The following VEPH1 variants were observed in gnomAD, a reference collection of about 807,000 sequenced individuals.
The protein encoded by VEPH1 is ventricular zone-expressed PH domain-containing protein homolog 1.
VEPH1 carries 80 observed loss-of-function variants against 85.2 expected under a neutral mutation model. The ratio of observed to expected loss-of-function variants is 0.94; its 90% CI spans 0.78 to 1.13. The LOEUF is 1.13. Among genes scored for constraint, VEPH1 ranks in the 50% most tolerant of loss-of-function variants. The probability of loss-of-function intolerance (pLI) is 0.00; values close to 1 mark genes in which losing one functional copy is unlikely to be tolerated. For missense variants in VEPH1, 955 were observed against 980.5 expected, an observed-to-expected ratio of 0.97 and a Z score of 0.35; for synonymous variants, 297 against 348.0, an observed-to-expected ratio of 0.85 and a Z score of 1.63.
chr3:157,337,655 C>A (rs969297435), intron 9 of VEPH1, among the ~76,000 whole-genome samples: 3 of 152,020 alleles, frequency 2.0e-5, no homozygotes, highest in Admixed American at 1.3e-4. Flanking sequence ...CTTTTATAAT[C>A]GGGGAAAAAT....
intron 5 of VEPH1, among the ~76,000 whole-genome samples, chr3:157,425,606 C>G (rs146739185): frequency 1.3e-5 from 2 of 152,316 alleles, no homozygotes; most frequent in Non-Finnish European, 2.9e-5. Flanking sequence ...CCATTTGGAA[C>G]AGCTGTATTT....
chr3:157,357,233 C>A (rs748475011), intron 9 of VEPH1, among the ~76,000 whole-genome samples: 54 of 152,060 alleles, frequency 3.6e-4, no homozygotes, highest in Non-Finnish European at 6.9e-4. Context: ...CCCTTTAAAT[C>A]TATTAGAGAC....
In VEPH1 at chr3:157,460,209, C is replaced by T. The variant is rs6794570; in HGVS notation, c.501G>A (p.Thr167=). The T allele has an allele frequency of 1.5e-4, 239 of 1,614,122 alleles. No homozygotes were observed. In the African/African-American group the frequency reaches 2.8e-3, roughly 19 times the overall value. The part of the protein sequence containing the change: ...ITKADLLADH[T]EVIVKSILQG... ...GGAGTATGCTCTTTACTATAACTTC[C>T]GTGTGATCAGCCAGGAGATCTGCCT... The change falls in exon 4 of 14, where the codon ACG becomes ACA. Residue 167 remains threonine, a synonymous_variant. Transcript: ENST00000362010.
intron 5 of VEPH1, among the ~76,000 whole-genome samples, chr3:157,425,183 T>C (rs1732662661): frequency 6.6e-6 from 1 of 152,170 alleles, no homozygotes; most frequent in Non-Finnish European, 1.5e-5. Flanking sequence ...ACAACTTCCA[T>C]GTGGTGTTGA....
rs373769969 is a variant in VEPH1 at position 157,363,621 on chromosome 3, G to A, written c.1478C>T (p.Pro493Leu). The change falls in exon 9 of 14, where the codon CCG becomes CTG. Residue 493 changes from proline (P) to leucine (L), a missense_variant. By Grantham distance (98) the Pro-to-Leu change is moderately conservative. Transcript: ENST00000362010. ...TGATCTCTCAGTGTCTGTCTTAAAC[G>A]GCAGCTTGTCATTTCCTTGGCCAAG... Reference protein sequence around the residue: ...DPLGQGNDKLPFKTDTERSQL... With the variant: ...DPLGQGNDKLLFKTDTERSQL... The A allele has an allele frequency of 2.0e-5, 33 of 1,613,950 alleles. No homozygotes were observed. The African/African-American group carries it at 2.8e-4, about 14-fold the overall frequency.
At chr3:157,497,837 C>T (rs1426303817) in intron 1 of VEPH1, among the ~76,000 whole-genome samples, 2 of 152,178 alleles carry the variant, frequency 1.3e-5, no homozygotes, top group Non-Finnish European at 2.9e-5. Flanking sequence ...GGGCCCTAAA[C>T]AGAAACATCA....
chr3:157,441,504 T>C (rs1206290904), intron 4 of VEPH1, among the ~76,000 whole-genome samples: 2 of 152,158 alleles, frequency 1.3e-5, no homozygotes, highest in East Asian at 1.9e-4. Context: ...TGAGAACATT[T>C]GGTGTATTAA....
rs139219611 is a variant in VEPH1, at chr3:157,389,576, T to C, written c.907-8200A>G. 1.6e-3 allele frequency among the ~76,000 whole-genome samples: 239 copies of C among 151,978 alleles called. 1 individual carries two copies. Among genetic ancestry groups the C allele is most frequent in the African/African-American group, 4.5e-3 (186 of 41,434 alleles). The stretch of plus-strand genomic sequence containing the variant: ...TTTAGCAAGTAGGTAAATTTGAAAA[T>C]ATAAAATCACAGAGCTGGATGGATG... On this transcript the variant is annotated intron_variant, in intron 6 of 13. Transcript: ENST00000362010.
rs1394651161 is a variant in VEPH1 at position 157,495,297 on chromosome 3, C to T, written c.53G>A (p.Gly18Glu). ...AGAGTCATCTAAGGAGAAGAGGTCC[C>T]CAGCTCGTGAAAGATCTTTTTGTCC... ...VLGQKDLSRA[G>E]DLFSLDDSEI... The change falls in exon 2 of 14, where the codon GGG (glycine) becomes GAG (glutamate). Residue 18 changes from glycine to glutamate, a missense_variant. Physicochemically the swap from Gly to Glu is moderately conservative, Grantham distance 98. Coordinates refer to ENST00000362010, the MANE Select transcript of VEPH1 (RefSeq NM_001167912.2). 2 of 1,613,986 alleles carry T rather than the reference C, an allele frequency of 1.2e-6. No homozygotes were observed.
rs143512664 is a variant in VEPH1, at chr3:157,356,748, C to A, written c.1735+6616G>T. Reference sequence around the variant, plus strand: ...ATCCAGGGACCACTCTGTTTCCCTACAGGGCATATACTGCCAGTTTCATAA... The same window carrying A: ...ATCCAGGGACCACTCTGTTTCCCTAAAGGGCATATACTGCCAGTTTCATAA... On this transcript the variant is annotated intron_variant, in intron 9 of 13. Transcript: ENST00000362010. Among the ~76,000 whole-genome samples, 348 of 152,308 alleles carry A rather than the reference C, an allele frequency of 2.3e-3. 1 individual carries two copies. The highest frequency in any genetic ancestry group is 8.0e-3 in the African/African-American group (333 of 41,570).
At chr3:157,323,874 T>A (rs1254269743) in intron 9 of VEPH1, among the ~76,000 whole-genome samples, 1 of 152,132 alleles carries the variant, frequency 6.6e-6, no homozygotes, top group Non-Finnish European at 1.5e-5. Context: ...AAGTTATAGA[T>A]CAACCATCGA....
At chr3:157,278,806 G>A (rs1347322015) in intron 12 of VEPH1, among the ~76,000 whole-genome samples, 1 of 152,186 alleles carries the variant, frequency 6.6e-6, no homozygotes, top group African/African-American at 2.4e-5. Context: ...AATAGATTGA[G>A]TGATGTTGCA....
chr3:157,265,442 T>C, intron 13 of VEPH1, 84 bp downstream of exon 13: 1 of 1,454,000 alleles, frequency 6.9e-7, no homozygotes, highest in Non-Finnish European at 9.3e-7. Context: ...ATTATTAGAG[T>C]TTAAACCCAA....
intron 9 of VEPH1, among the ~76,000 whole-genome samples, chr3:157,329,212 A>T (rs1329037292): frequency 6.6e-6 from 1 of 152,170 alleles, no homozygotes; most frequent in Non-Finnish European, 1.5e-5. Context: ...TCTTTATCGT[A>T]TAACTGAATG....
chr3:157,433,715 G>A (rs1733339766), intron 4 of VEPH1, among the ~76,000 whole-genome samples: 1 of 152,002 alleles, frequency 6.6e-6, no homozygotes, highest in East Asian at 1.9e-4. Flanking sequence ...TTCTCTTTTT[G>A]GTATCATACT....
At chr3:157,443,187 T>A in intron 4 of VEPH1, 1 of 547,622 alleles carries the variant, frequency 1.8e-6, no homozygotes, top group Non-Finnish European at 3.1e-6. Context: ...ATAATGTTAC[T>A]AGACTTTATG....
chr3:157,331,038 T>C (rs1243332824), intron 9 of VEPH1, among the ~76,000 whole-genome samples: 1 of 152,188 alleles, frequency 6.6e-6, no homozygotes, highest in Non-Finnish European at 1.5e-5. Context: ...GGATATCCTG[T>C]GTTCACCTGA....
At chr3:157,387,599 G>C (rs940746167) in intron 6 of VEPH1, among the ~76,000 whole-genome samples, 2 of 152,132 alleles carry the variant, frequency 1.3e-5, no homozygotes, top group Non-Finnish European at 2.9e-5. Flanking sequence ...CCTCCTTTCT[G>C]TACTCCACCT....
Position 157,368,404 on chromosome 3 carries a change from G to T in VEPH1, c.1128-3892C>A, listed in dbSNP as rs1207091966. Among the ~76,000 whole-genome samples the T allele has an allele frequency of 2.0e-5, 3 of 152,296 alleles. No individual in the cohort carries two copies. The East Asian group carries it at 5.8e-4, about 29-fold the overall frequency. ...CACTGACCCCAAGAGGGCAGGTTGG[G>T]TGCCTCAAGGGTAAGGATTCTCAGT... is the stretch of plus-strand genomic sequence containing the variant. On this transcript the variant is annotated intron_variant, in intron 7 of 13. Coordinates refer to ENST00000362010, the MANE Select transcript of VEPH1 (RefSeq NM_001167912.2).
Sources: allele counts gnomAD v4.1 joint callset (sites outside exome capture counted in the v4.1 genomes callset), GRCh38; gene constraint gnomAD v4.1.1; transcripts MANE v1.5; gene names NCBI Gene and HGNC (gene_info 2026-07-23, HGNC 2026-07-21).